Variants in CMKLR1 observed in about 807,000 individuals in gnomAD.
CMKLR1 encodes chemerin chemokine-like receptor 1.
A neutral mutation model predicts 8.2 loss-of-function variants in CMKLR1; 6 were observed. The observed-to-expected ratio is 0.73, with a 90% CI of 0.40 to 1.44. The LOEUF is 1.44. Ranked by LOEUF, CMKLR1 falls within the 40% of genes most tolerant of loss-of-function variation. CMKLR1 has a pLI of 0.02. For synonymous variants in CMKLR1, 178 were observed against 181.2 expected (o/e 0.98, Z 0.14); for missense variants, 429 against 478.0 (o/e 0.90, Z 0.96).
intron 2 of CMKLR1, among the ~76,000 whole-genome samples, chr12:108,321,660 C>G (rs1891864972): frequency 6.6e-6 from 1 of 152,140 alleles, no homozygotes; most frequent in Non-Finnish European, 1.5e-5. Flanking sequence ...GGATCCAGAT[C>G]AGAACCCACT....
chr12:108,336,850 GA>G (rs1167329165), intron 1 of CMKLR1, among the ~76,000 whole-genome samples: 1 of 152,180 alleles, frequency 6.6e-6, no homozygotes, highest in African/African-American at 2.4e-5. Context: ...AATGTTTATA[GA>G]GACCTTATTT....
At chr12:108,311,369 C>T (rs1290281949) in intron 2 of CMKLR1, among the ~76,000 whole-genome samples, 1 of 152,188 alleles carries the variant, frequency 6.6e-6, no homozygotes, top group Admixed American at 6.5e-5. Context: ...AATCCCAGCA[C>T]TTTGGGAGGC....
chr12:108,310,842 G>A (rs754729598), intron 2 of CMKLR1, among the ~76,000 whole-genome samples: 79 of 152,300 alleles, frequency 5.2e-4, no homozygotes, highest in African/African-American at 1.7e-3. Flanking sequence ...AGCAAGGCGG[G>A]TAGGCAGAGA....
chr12:108,333,002 T>A (rs890750917), intron 1 of CMKLR1, among the ~76,000 whole-genome samples: 1 of 152,076 alleles, frequency 6.6e-6, no homozygotes, highest in African/African-American at 2.4e-5. Context: ...TCAATAGGTG[T>A]CAAACCCAGG....
intron 2 of CMKLR1, among the ~76,000 whole-genome samples, chr12:108,318,740 A>G (rs1328505247): frequency 6.6e-6 from 1 of 152,190 alleles, no homozygotes; most frequent in African/African-American, 2.4e-5. Flanking sequence ...CCCTGATCCC[A>G]TAGCAGCCAG....
At chr12:108,334,526 G>A (rs1019109822) in intron 1 of CMKLR1, among the ~76,000 whole-genome samples, 21 of 152,212 alleles carry the variant, frequency 1.4e-4, no homozygotes, top group African/African-American at 5.1e-4. Context: ...CCACCCAGCT[G>A]CCTTACAGTC....
At chr12:108,298,121 C>T (rs947654036) in intron 2 of CMKLR1, among the ~76,000 whole-genome samples, 5 of 152,162 alleles carry the variant, frequency 3.3e-5, no homozygotes. Flanking sequence ...TTTGATGTGA[C>T]CACAAGGAAG....
Position 108,304,773 on chromosome 12 carries a change from T to A in CMKLR1, c.-73-11109A>T, listed in dbSNP as rs79143803. On this transcript the variant is annotated intron_variant, in intron 2 of 3. Transcript: ENST00000550402. ...CTCGGCTGCCCCTCACCTGCAACAT[T>A]CCTCACCTGTGCGCCTAGCCAGCCC... is the stretch of plus-strand genomic sequence containing the variant. Among the ~76,000 whole-genome samples the A allele has an allele frequency of 2.8e-3, 421 of 152,230 alleles. 5 individuals are homozygous for A. Among genetic ancestry groups the A allele is most frequent in the African/African-American group, 9.7e-3 (404 of 41,546 alleles).
chr12:108,293,404 T>G (rs1278956222), intron 3 of CMKLR1, among the ~76,000 whole-genome samples, 185 bp downstream of exon 3: 1 of 152,136 alleles, frequency 6.6e-6, no homozygotes, highest in Non-Finnish European at 1.5e-5. Flanking sequence ...CATCAAAAAG[T>G]CCCTCAAATA....
At chr12:108,296,870 C>T (rs1031389815) in intron 2 of CMKLR1, among the ~76,000 whole-genome samples, 2 of 151,894 alleles carry the variant, frequency 1.3e-5, no homozygotes, top group African/African-American at 4.8e-5. Flanking sequence ...CTTCTCTAAG[C>T]TCCAATGTCC....
chr12:108,333,936 C>T (rs1024782669), intron 1 of CMKLR1, among the ~76,000 whole-genome samples: 1 of 152,256 alleles, frequency 6.6e-6, no homozygotes, highest in African/African-American at 2.4e-5. Flanking sequence ...GTCCTGAGTC[C>T]GGCGGCAGCT....
intron 2 of CMKLR1, among the ~76,000 whole-genome samples, chr12:108,323,506 A>G (rs1300352095): frequency 6.6e-6 from 1 of 152,194 alleles, no homozygotes; most frequent in East Asian, 1.9e-4. Context: ...CCTAGCCCTC[A>G]AATGTTTCCC....
rs1003588393 is a variant in CMKLR1 at position 108,292,270 on chromosome 12, G to A, written c.693C>T (p.Val231=). ...AGCAAGCTGTGATGATGAGGACTGG[G>A]ACCAGGAAGCCACAGAGGAAGCGGG... ...TVTRFLCGFL[V]PVLIITACYL... The change falls in exon 4 of 4, where the codon GTC becomes GTT. Residue 231 remains valine, a synonymous_variant. Coordinates refer to ENST00000550402, the MANE Select transcript of CMKLR1 (RefSeq NM_001142343.2). The A allele has an allele frequency of 6.2e-7, 1 of 1,614,192 alleles. No homozygotes were observed. The highest frequency in any genetic ancestry group is 8.5e-7 in the Non-Finnish European group (1 of 1,180,034).
chr12:108,301,042 T>G (rs1275004091), intron 2 of CMKLR1, among the ~76,000 whole-genome samples: 1 of 150,952 alleles, frequency 6.6e-6, no homozygotes, highest in Non-Finnish European at 1.5e-5. Context: ...TCAGTGGTGG[T>G]TCTGACCACA....
At chr12:108,306,080 T>C (rs1325915551) in intron 2 of CMKLR1, among the ~76,000 whole-genome samples, 1 of 152,238 alleles carries the variant, frequency 6.6e-6, no homozygotes, top group Non-Finnish European at 1.5e-5. Flanking sequence ...TCCAGATCCC[T>C]GTCTGTTCTG....
At chr12:108,308,469 C>A (rs1237482926) in intron 2 of CMKLR1, among the ~76,000 whole-genome samples, 1 of 150,530 alleles carries the variant, frequency 6.6e-6, no homozygotes, top group Admixed American at 6.7e-5. Flanking sequence ...GGACCTCTCG[C>A]TGGCCGCTCA....
At position 108,291,602 on chromosome 12, in the gene CMKLR1, G is replaced by T; in HGVS notation, c.*239C>A. 1 of 507,228 alleles carries T rather than the reference G, an allele frequency of 2.0e-6. No homozygotes were observed. The highest frequency in any genetic ancestry group is 3.3e-5 in the East Asian group (1 of 29,858). The allele number at this position is 507,228 out of a possible 1,614,324, so 31.4% of individuals were successfully genotyped here. On this transcript the variant is annotated 3_prime_UTR_variant, in exon 4 of 4. Transcript: ENST00000550402. ...TCCTTTTTTGCTTTGAGTCAGTCAA[G>T]GCTGGCCTCCCAAGAAGCATAAATT...
chr12:108,331,314 C>T (rs551068746), intron 1 of CMKLR1, among the ~76,000 whole-genome samples: 5 of 152,280 alleles, frequency 3.3e-5, no homozygotes, highest in South Asian at 4.1e-4. Context: ...AGTGCAGGGA[C>T]GTGAACGCAG....
At chr12:108,323,606 C>A (rs1891911230) in intron 2 of CMKLR1, among the ~76,000 whole-genome samples, 1 of 152,310 alleles carries the variant, frequency 6.6e-6, no homozygotes, top group African/African-American at 2.4e-5. Context: ...CATGAACCTG[C>A]ACAAGTTTCT....
Sources: gnomAD v4.1 joint callset for allele counts (sites outside exome capture counted in the v4.1 genomes callset) on GRCh38, gnomAD v4.1.1 for gene constraint, MANE v1.5 for transcripts, NCBI Gene and HGNC (gene_info 2026-07-23, HGNC 2026-07-21) for gene names.